Variants in TRRAP observed in about 807,000 individuals in gnomAD.
The protein encoded by TRRAP is transformation/transcription domain-associated protein.
In TRRAP, 41 loss-of-function variants were observed where a neutral mutation model predicts 438.8. That is an observed-to-expected ratio of 0.09 (90% CI 0.07 to 0.12). The LOEUF (loss-of-function observed/expected upper bound fraction) is 0.12. TRRAP is among the 10% of genes least tolerant of loss of function. TRRAP has a pLI of 1.00. For missense variants in TRRAP, 3,122 were observed against 5,055.1 expected (o/e 0.62, Z 11.60); for synonymous variants, 1,994 against 1,962.9 (o/e 1.02, Z -0.42).
chr7:98,906,121 T>C, intron 12 of TRRAP, 56 bp from the exon 13 acceptor site: 3 of 1,523,362 alleles, frequency 2.0e-6, no homozygotes, highest in Admixed American at 1.7e-5. Flanking sequence ...GTAAAGTAAT[T>C]TAATGTGTGT....
chr7:98,987,828 A>G (rs1793219063), intron 62 of TRRAP, among the ~76,000 whole-genome samples: 1 of 152,168 alleles, frequency 6.6e-6, no homozygotes, highest in African/African-American at 2.4e-5. Flanking sequence ...GATGCCTTTT[A>G]TAAGCTTGAG....
At chr7:98,991,998 C>T (rs1416169299) in intron 64 of TRRAP, 139 bp from the exon 65 acceptor site, 13 of 869,098 alleles carry the variant, frequency 1.5e-5, no homozygotes, top group Non-Finnish European at 1.9e-5. Context: ...CAGATCAGTG[C>T]TGCAGTATTT....
At chr7:98,989,329 AC>A (rs144789363) in intron 63 of TRRAP, among the ~76,000 whole-genome samples, 2,260 of 152,314 alleles carry the variant, frequency 0.015, 56 homozygotes, top group African/African-American at 0.051. Context: ...TGTTGTCAGC[AC>A]AGCCACAGAG....
intron 47 of TRRAP, 147 bp from the exon 48 acceptor site, chr7:98,964,482 C>T (rs1021609091): frequency 9.9e-6 from 8 of 805,528 alleles, no homozygotes; most frequent in East Asian, 5.3e-5. Flanking sequence ...CAGAATGTAG[C>T]GTGAGCCATG....
Position 98,962,366 on chromosome 7 carries a change from C to A in TRRAP, c.6768C>A (p.Val2256=). The A allele has an allele frequency of 6.2e-7, 1 of 1,614,194 alleles. No homozygotes were observed. The highest frequency in any genetic ancestry group is 8.5e-7 in the Non-Finnish European group (1 of 1,180,030). The change falls in exon 47 of 73, where the codon GTC becomes GTA. Residue 2256 remains valine (V), a synonymous_variant. Transcript: ENST00000456197. ...GCCTCTACGCAGCCGTCGGAAAGGT[C>A]ATCTATGAAGGGCTCACCAACTACG... is the stretch of plus-strand genomic sequence containing the variant. The part of the protein sequence containing the change: ...LECLYAAVGK[V]IYEGLTNYEK...
Position 98,930,197 on chromosome 7 carries a change from C to T in TRRAP, c.3384C>T (p.Ser1128=), listed in dbSNP as rs782477695. 18 of 1,614,088 alleles carry T rather than the reference C, an allele frequency of 1.1e-5. No individual in the cohort carries two copies. In the South Asian group the frequency reaches 2.0e-4, roughly 18 times the overall value. Residue 1128 remains serine, a synonymous_variant, in exon 24 of 73, where the codon TCC becomes TCT. Transcript: ENST00000456197. ...ATGTTGCAAGTATCATCCTGGGCTCCAAGGAGAGGGTAAGGAAGGGTTGAG... is the reference window on the plus strand; with the variant it reads ...ATGTTGCAAGTATCATCCTGGGCTCTAAGGAGAGGGTAAGGAAGGGTTGAG... ...IFDVASIILG[S]KERACQLPLF... is the part of the protein sequence containing the mutation.
At position 98,949,419 on chromosome 7, in the gene TRRAP, T is replaced by A; in HGVS notation, c.4791T>A (p.Ser1597Arg). 6.5e-7 allele frequency: 1 copy of A among 1,529,246 alleles called. No homozygotes were observed. The highest frequency in any genetic ancestry group is 8.8e-7 in the Non-Finnish European group (1 of 1,141,302). The allele number at this position is 1,529,246 out of a possible 1,614,324, so 94.7% of individuals were successfully genotyped here. ...NDPQWSRMFMSFLKHKDARPL... is the reference protein window; with the variant it reads ...NDPQWSRMFMRFLKHKDARPL... ...TTTTCTATTTGTTTTGCTTTCAGAG[T>A]TTTTTAAAACACAAAGACGCCAGAC... The change falls in exon 36 of 73, where the codon AGT becomes AGA. Residue 1597 changes from serine to arginine, a missense_variant and splice_region_variant. Ser to Arg is a moderately radical substitution (Grantham distance 110). Around this residue, in one of 24 missense-constraint regions of TRRAP, gnomAD observed 272 missense variants for 348.5 expected, o/e 0.78. Transcript: ENST00000456197.
intron 30 of TRRAP, among the ~76,000 whole-genome samples, chr7:98,939,052 CT>C (rs1258586007): frequency 6.6e-6 from 1 of 152,146 alleles, no homozygotes; most frequent in Non-Finnish European, 1.5e-5. Flanking sequence ...AGGATTTCAT[CT>C]GTTAGCTTTC....
At chr7:98,984,466 A>G in intron 61 of TRRAP, 108 bp downstream of exon 61, 1 of 1,353,938 alleles carries the variant, frequency 7.4e-7, no homozygotes, top group Non-Finnish European at 9.9e-7. Flanking sequence ...GTGGACTCGA[A>G]CTTTCCACAA....
At chr7:98,972,224 G>A (rs910693304) in intron 53 of TRRAP, among the ~76,000 whole-genome samples, 2 of 152,124 alleles carry the variant, frequency 1.3e-5, no homozygotes, top group African/African-American at 4.8e-5. Context: ...TAATTTTTTA[G>A]TAGATACAGG....
chr7:98,918,316 C>T (rs948645436), intron 20 of TRRAP, among the ~76,000 whole-genome samples: 5 of 150,422 alleles, frequency 3.3e-5, no homozygotes, highest in Admixed American at 1.3e-4. Flanking sequence ...CTGCAACCTC[C>T]GCCTCCCGGG....
In TRRAP at chr7:98,906,158, A is replaced by G; in HGVS notation, c.1037-19A>G. 9 of 1,611,668 alleles carry G rather than the reference A, an allele frequency of 5.6e-6. No individual in the cohort carries two copies. Among genetic ancestry groups the G allele is most frequent in the Non-Finnish European group, 6.8e-6 (8 of 1,178,052 alleles). On this transcript the variant is annotated intron_variant, in intron 12 of 72. Transcript: ENST00000456197. ...ATTGGTTTTGTTAGTGATCTGTGCA[A>G]TGGATGTTTGTCTTCTAGAGTTCAT...
chr7:99,003,612 G>A (rs1375238242), intron 67 of TRRAP, among the ~76,000 whole-genome samples: 3 of 152,202 alleles, frequency 2.0e-5, no homozygotes, highest in Admixed American at 6.5e-5. Flanking sequence ...CATTGTTCCC[G>A]GAAGGGCCTG....
intron 1 of TRRAP, 42 bp from the exon 2 acceptor site, chr7:98,881,048 G>C (rs560201402): frequency 1.2e-6 from 1 of 843,788 alleles, no homozygotes; most frequent in African/African-American, 1.7e-5. Flanking sequence ...TTGTGATCCT[G>C]TGCCCTCCAT....
chr7:98,979,418 A>G (rs114297769), intron 58 of TRRAP, among the ~76,000 whole-genome samples: 2,398 of 152,322 alleles, frequency 0.016, 63 homozygotes, highest in African/African-American at 0.055. Context: ...TGCTACTTAC[A>G]CAGTTGTTTT....
Position 98,964,720 on chromosome 7 carries a change from G to C in TRRAP, c.6921G>C (p.Met2307Ile), listed in dbSNP as rs1161151795. 1.2e-6 allele frequency: 2 copies of C among 1,613,948 alleles called. No individual in the cohort carries two copies. The highest frequency in any genetic ancestry group is 3.3e-5 in the Admixed American group (2 of 59,978). Residue 2307 changes from methionine (M) to isoleucine (I), a missense_variant, in exon 48 of 73, where the codon ATG (methionine) becomes ATC (isoleucine). By Grantham distance (10) the Met-to-Ile change is conservative. Coordinates refer to ENST00000456197, the MANE Select transcript of TRRAP (RefSeq NM_001375524.1). ...ISVFMRSLQK[M>I]VREHLNPQAA... is the part of the protein sequence containing the mutation. ...TCTTTATGCGCTCCCTGCAGAAGAT[G>C]GTCCGGGAGCATTTAAACCCTCAGG...
At chr7:99,009,494 T>C (rs1429797472) in intron 70 of TRRAP, among the ~76,000 whole-genome samples, 1 of 152,202 alleles carries the variant, frequency 6.6e-6, no homozygotes, top group African/African-American at 2.4e-5. Context: ...GGCAGAGGCA[T>C]GGATCCCTGT....
At chr7:98,947,939 C>T (rs1289401996) in intron 33 of TRRAP, among the ~76,000 whole-genome samples, 3 of 152,170 alleles carry the variant, frequency 2.0e-5, no homozygotes, top group South Asian at 2.1e-4. Flanking sequence ...CTTGTGAGCA[C>T]GCATGACAGC....
At chr7:98,989,991 G>A (rs1365543115) in intron 63 of TRRAP, among the ~76,000 whole-genome samples, 1 of 152,232 alleles carries the variant, frequency 6.6e-6, no homozygotes, top group Non-Finnish European at 1.5e-5. Context: ...ACTTTGGGAG[G>A]CCAAGGTGGG....
Sources: gnomAD v4.1 joint callset for allele counts (sites outside exome capture counted in the v4.1 genomes callset) on GRCh38, gnomAD v4.1.1 for gene constraint, gnomAD v4.1.1 regional missense constraint, MANE v1.5 for transcripts, NCBI Gene and HGNC (gene_info 2026-07-23, HGNC 2026-07-21) for gene names.